LYSMD2: variants seen among roughly 807,000 people sequenced by gnomAD.
LYSMD2 encodes the protein lysM and putative peptidoglycan-binding domain-containing protein 2.
In LYSMD2, 6 loss-of-function variants were observed where a neutral mutation model predicts 17.7. That is an observed-to-expected ratio of 0.34 (90% confidence interval 0.19 to 0.67). The LOEUF (loss-of-function observed/expected upper bound fraction) is 0.67, where lower values mean the gene tolerates loss of function less well. Among genes scored for constraint, LYSMD2 ranks in the 30% least tolerant of loss-of-function variants. LYSMD2 has a pLI of 0.69. For synonymous variants in LYSMD2, 102 were observed against 129.8 expected, an observed-to-expected ratio of 0.79 and a Z score of 1.45; for missense variants, 237 against 286.7, an observed-to-expected ratio of 0.83 and a Z score of 1.25.
chr15:51,723,726 A>G, intron 2 of LYSMD2, 77 bp from the exon 3 acceptor site: 1 of 1,059,252 alleles, frequency 9.4e-7, no homozygotes, highest in South Asian at 1.6e-5. Flanking sequence ...TTATTATACA[A>G]TATCCACTTG....
intron 1 of LYSMD2, among the ~76,000 whole-genome samples, chr15:51,727,604 A>G (rs2055548433): frequency 6.6e-6 from 1 of 152,210 alleles, no homozygotes; most frequent in Non-Finnish European, 1.5e-5. Flanking sequence ...ACAGAGCACA[A>G]TGGGCCATCA....
At chr15:51,733,697 A>G (rs780419513) in intron 1 of LYSMD2, among the ~76,000 whole-genome samples, 16 of 152,162 alleles carry the variant, frequency 1.1e-4, no homozygotes, top group Non-Finnish European at 1.8e-4. Context: ...AAAAATTTCA[A>G]GAGATGACAG....
rs954622942 is a variant in LYSMD2 at position 51,737,325 on chromosome 15, G to A, written c.273+25C>T. On this transcript the variant is annotated intron_variant, in intron 1 of 2. Transcript: ENST00000267838. The surrounding 1 kb of genome is among the most constrained non-coding windows in gnomAD (Gnocchi z 4.2). ...CTCCTGCGCGGTAGCTGCCAGCCCG[G>A]GCCGCGGCGGCGCGCCCTGCTCACC... The A allele has an allele frequency of 1.5e-6, 2 of 1,305,624 alleles. No individual in the cohort carries two copies. Among genetic ancestry groups the A allele is most frequent in the Non-Finnish European group, 9.7e-7 (1 of 1,026,598 alleles). 80.9% of individuals were successfully genotyped at this position (1,305,624 alleles called of 1,614,324 possible). A position where few individuals can be genotyped will look rare whatever the true frequency, so the allele number is the denominator to read the frequency against.
Position 51,726,983 on chromosome 15 carries a change from G to C in LYSMD2, c.274-1862C>G, listed in dbSNP as rs189829738. On this transcript the variant is annotated intron_variant, in intron 1 of 2. Coordinates refer to ENST00000267838, the MANE Select transcript of LYSMD2 (RefSeq NM_153374.3). ...TACACTATTAATTCTTTGAGGGCAA[G>C]AACTGGTTATTGCTATAGCCTTCCT... Among the ~76,000 whole-genome samples the C allele has an allele frequency of 1.2e-4, 19 of 152,300 alleles. No individual in the cohort carries two copies. In the East Asian group the frequency reaches 2.9e-3, roughly 23 times the overall value.
chr15:51,723,457 A>C lies in LYSMD2; in HGVS notation c.*150T>G. On this transcript the variant is annotated 3_prime_UTR_variant, in exon 3 of 3. Transcript: ENST00000267838. ...AAAGCCAGAGGGAACTAATCACTTC[A>C]GTGCAACTGCAGCAGGTAGAACTAC... 1 of 668,402 alleles carries C rather than the reference A, an allele frequency of 1.5e-6. No homozygotes were observed. Among genetic ancestry groups the C allele is most frequent in the African/African-American group, 1.8e-5 (1 of 54,628 alleles). 41.4% of individuals were successfully genotyped at this position (668,402 alleles called of 1,614,324 possible). A position where few individuals can be genotyped will look rare whatever the true frequency, so the allele number is the denominator to read the frequency against.
intron 1 of LYSMD2, among the ~76,000 whole-genome samples, chr15:51,731,667 A>G (rs1400599378): frequency 6.6e-6 from 1 of 152,144 alleles, no homozygotes; most frequent in Non-Finnish European, 1.5e-5. Context: ...GAGAAAAAAG[A>G]AAAAGTTTAT....
At chr15:51,746,885 A>ATAT (rs1199224734) in intron 1 of LYSMD2, among the ~76,000 whole-genome samples, 6 of 152,066 alleles carry the variant, frequency 3.9e-5, no homozygotes, top group Admixed American at 3.9e-4. Flanking sequence ...AAATTTTTTA[A>ATAT]AATAACACCT....
intron 1 of LYSMD2, among the ~76,000 whole-genome samples, chr15:51,750,359 C>T (rs56221158): frequency 0.072 from 11,030 of 152,258 alleles, 500 homozygotes; most frequent in African/African-American, 0.11. Context: ...TTTGGCCACA[C>T]GATTACTGCA....
At position 51,724,936 on chromosome 15, in the gene LYSMD2, C is replaced by T. The variant is rs748556626; in HGVS notation, c.459G>A (p.Gly153=). 22 of 1,613,980 alleles carry T rather than the reference C, an allele frequency of 1.4e-5. No individual in the cohort carries two copies. The highest frequency in any genetic ancestry group is 1.8e-5 in the Non-Finnish European group (21 of 1,179,992). ...FSQEEEPVVA[G]EDLPPPSPQE... ...GAGGACTGGGAGGAGGGAGGTCTTC[C>T]CCGGCCACCACTGGCTCCTCTTCCT... is the stretch of plus-strand genomic sequence containing the variant. Residue 153 remains glycine (G), a synonymous_variant, in exon 2 of 3, where the codon GGG becomes GGA. Transcript: ENST00000267838.
chr15:51,742,997 T>C (rs984417360), intron 1 of LYSMD2, among the ~76,000 whole-genome samples: 8 of 152,236 alleles, frequency 5.3e-5, no homozygotes, highest in African/African-American at 1.7e-4. Context: ...TACATATGTC[T>C]AACTTGAGGA....
At chr15:51,745,608 A>G (rs1302141327) in intron 1 of LYSMD2, among the ~76,000 whole-genome samples, 4 of 152,128 alleles carry the variant, frequency 2.6e-5, no homozygotes, top group Non-Finnish European at 5.9e-5. Flanking sequence ...TCAAACTAGC[A>G]AGGGATGTTT....
In LYSMD2 at chr15:51,737,262, T is replaced by TGGCCCCCCCCCCCCCCCCCC; in HGVS notation, c.273+87_273+88insGGGGGGGGGGGGGGGGGGCC. On this transcript the variant is annotated intron_variant, in intron 1 of 2. Transcript: ENST00000267838. This position sits in a 1 kb window ranked among gnomAD's most constrained non-coding sequence, Gnocchi z 4.2. ...CCATCCCCCAAACCCCCACCCGCAGTCCCACCCCCACCCCCACCGCACCCC... is the reference window on the plus strand; with the variant it reads ...CCATCCCCCAAACCCCCACCCGCAGTGGCCCCCCCCCCCCCCCCCCCCCACCCCCACCCCCACCGCACCCC... 1.5e-5 allele frequency: 2 copies of TGGCCCCCCCCCCCCCCCCCC among 134,038 alleles called. No individual in the cohort carries two copies. The highest frequency in any genetic ancestry group is 2.2e-4 in the South Asian group (1 of 4,576). The allele number at this position is 134,038 out of a possible 1,614,324, so 8.3% of individuals were successfully genotyped here.
At chr15:51,730,452 G>T (rs532756409) in intron 1 of LYSMD2, among the ~76,000 whole-genome samples, 1 of 152,354 alleles carries the variant, frequency 6.6e-6, no homozygotes, top group South Asian at 2.1e-4. Flanking sequence ...AGAGGTCAAG[G>T]CTGTAGTTAG....
chr15:51,747,226 C>A (rs1463874967), intron 1 of LYSMD2, among the ~76,000 whole-genome samples: 1 of 146,104 alleles, frequency 6.8e-6, no homozygotes, highest in African/African-American at 2.6e-5. Context: ...ACAACAACAA[C>A]AAAAACTGTA....
At chr15:51,744,542 T>G (rs909932501) in intron 1 of LYSMD2, among the ~76,000 whole-genome samples, 4 of 152,268 alleles carry the variant, frequency 2.6e-5, no homozygotes, top group African/African-American at 9.6e-5. Flanking sequence ...TTGGATTCAA[T>G]TTTTTAATAT....
chr15:51,748,261 C>CAAAAAAAAAAAAAAAAAAAAAAAA (rs10556304), intron 1 of LYSMD2, among the ~76,000 whole-genome samples: 6 of 60,208 alleles, frequency 1.0e-4, no homozygotes, highest in Non-Finnish European at 1.6e-4. Flanking sequence ...GACTCCGTCT[C>CAAAAAAAAAAAAAAAAAAAAAAAA]AAAAAAAAAA....
In LYSMD2 at chr15:51,723,601, A is replaced by T. The variant is rs201762517; in HGVS notation, c.*6T>A. On this transcript the variant is annotated 3_prime_UTR_variant, in exon 3 of 3. Transcript: ENST00000267838. ...AATTTTGGTTAGAGTTATGCCCCCA[A>T]ATCACCTAACTGTGATAGAGGGAAG... is the stretch of plus-strand genomic sequence containing the variant. 6.9e-5 allele frequency: 111 copies of T among 1,604,708 alleles called. No homozygotes were observed. The East Asian group carries it at 2.2e-3, about 32-fold the overall frequency.
At chr15:51,745,677 G>A (rs2055664126) in intron 1 of LYSMD2, among the ~76,000 whole-genome samples, 1 of 151,566 alleles carries the variant, frequency 6.6e-6, no homozygotes, top group African/African-American at 2.4e-5. Flanking sequence ...ACACACAATG[G>A]GAGAAAACAT....
At chr15:51,735,380 C>T (rs72730962) in intron 1 of LYSMD2, among the ~76,000 whole-genome samples, 184 of 152,148 alleles carry the variant, frequency 1.2e-3, no homozygotes, top group Non-Finnish European at 1.9e-3. Context: ...AGAGAACATC[C>T]GGCAATGCCT....
Sources: gnomAD v4.1 joint callset for allele counts (sites outside exome capture counted in the v4.1 genomes callset) on GRCh38, gnomAD v4.1.1 for gene constraint, Gnocchi (gnomAD v3.1) non-coding constraint, MANE v1.5 for transcripts, NCBI Gene and HGNC (gene_info 2026-07-23, HGNC 2026-07-21) for gene names.